The following CCDC59 variants were observed in gnomAD, a reference collection of about 807,000 sequenced individuals.
CCDC59 encodes thyroid transcription factor 1-associated protein 26.
CCDC59 carries 27 observed loss-of-function variants against 30.5 expected under a neutral mutation model. That is an observed-to-expected ratio of 0.89 (90% CI 0.65 to 1.22). The LOEUF is 1.22. CCDC59 is among the 50% of genes most tolerant of loss of function. CCDC59 has a pLI of 0.00. For synonymous variants in CCDC59, 125 were observed against 100.9 expected (o/e 1.24, Z -1.43); for missense variants, 362 against 284.4 (o/e 1.27, Z -1.96).
In CCDC59 at chr12:82,353,284, T is replaced by G; in HGVS notation, c.593A>C (p.Glu198Ala). The change falls in exon 4 of 4, where the codon GAA becomes GCA. Residue 198 changes from glutamate (E) to alanine (A), a missense_variant. Glu to Ala is a moderately radical substitution (Grantham distance 107). Coordinates refer to ENST00000256151, the MANE Select transcript of CCDC59 (RefSeq NM_014167.5). The part of the protein sequence containing the change: ...QEFERRKQER[E>A]EAQRQYKKKK... The stretch of plus-strand genomic sequence containing the variant: ...CTTTTTGTACTGCCTTTGGGCTTCT[T>G]CTCTCTCCTGTTTTCTCCTCTCGAA... The G allele has an allele frequency of 6.2e-7, 1 of 1,606,622 alleles. No homozygotes were observed. Among genetic ancestry groups the G allele is most frequent in the Non-Finnish European group, 8.5e-7 (1 of 1,177,922 alleles).
Position 82,357,333 on chromosome 12 carries a change from T to C in CCDC59, c.155-64A>G. 8 of 1,359,614 alleles carry C rather than the reference T, an allele frequency of 5.9e-6. No individual in the cohort carries two copies. In the East Asian group the frequency reaches 1.6e-4, roughly 27 times the overall value. 84.2% of individuals were successfully genotyped at this position (1,359,614 alleles called of 1,614,324 possible). The stretch of plus-strand genomic sequence containing the variant: ...AAAGAAGTTGAACGAAGAATGGAGC[T>C]GTTAATTACAAATGAAAACTTTTTT... On this transcript the variant is annotated intron_variant, in intron 1 of 3. Coordinates refer to ENST00000256151, the MANE Select transcript of CCDC59 (RefSeq NM_014167.5).
rs1347226078 is a variant in CCDC59, at chr12:82,352,568, T to C, written c.*583A>G. On this transcript the variant is annotated 3_prime_UTR_variant, in exon 4 of 4. Coordinates refer to ENST00000256151, the MANE Select transcript of CCDC59 (RefSeq NM_014167.5). ...TGACACTGTGGGGTTTCCATCATTA[T>C]TTAAAAGACCTTAGACTAACAAGCC... The C allele has an allele frequency of 6.6e-6, 1 of 152,204 alleles. No individual in the cohort carries two copies. Among genetic ancestry groups the C allele is most frequent in the Non-Finnish European group, 1.5e-5 (1 of 68,036 alleles). The allele number at this position is 152,204 out of a possible 1,614,324, so 9.4% of individuals were successfully genotyped here.
rs200062067 is a variant in CCDC59 at position 82,358,174 on chromosome 12, T to C, written c.154+49A>G. 4.4e-4 allele frequency: 703 copies of C among 1,609,790 alleles called. 2 individuals are homozygous for C. The highest frequency in any genetic ancestry group is 4.0e-4 in the Non-Finnish European group (470 of 1,176,654). The stretch of plus-strand genomic sequence containing the variant: ...CCAAGCTTCAGCGAATCTTATATCC[T>C]AAAACTTAGCAAGCCTGAGGATTTG... On this transcript the variant is annotated intron_variant, in intron 1 of 3. Coordinates refer to ENST00000256151, the MANE Select transcript of CCDC59 (RefSeq NM_014167.5).
At chr12:82,357,405 T>G in intron 1 of CCDC59, 136 bp from the exon 2 acceptor site, 1 of 734,616 alleles carries the variant, frequency 1.4e-6, no homozygotes, top group Admixed American at 2.9e-5. Flanking sequence ...CTTTAAAAAA[T>G]TATTTCAAGC....
Position 82,357,250 on chromosome 12 carries a change from T to G in CCDC59, c.174A>C (p.Arg58=). ...SVREGQGFAF[R]RKLKIQQSYK... Reference sequence around the variant, plus strand: ...AACTTTGCTGTATTTTCAGTTTTCTTCGAAAAGCAAAGCCTTGTCCTACAT... The same window carrying G: ...AACTTTGCTGTATTTTCAGTTTTCTGCGAAAAGCAAAGCCTTGTCCTACAT... The change falls in exon 2 of 4, where the codon CGA becomes CGC. Residue 58 remains arginine, a synonymous_variant. Coordinates refer to ENST00000256151, the MANE Select transcript of CCDC59 (RefSeq NM_014167.5). The G allele has an allele frequency of 6.2e-7, 1 of 1,611,162 alleles. No homozygotes were observed. Among genetic ancestry groups the G allele is most frequent in the Non-Finnish European group, 8.5e-7 (1 of 1,179,224 alleles).
chr12:82,357,618 A>G (rs1218630918), intron 1 of CCDC59, among the ~76,000 whole-genome samples: 2 of 152,240 alleles, frequency 1.3e-5, no homozygotes, highest in Non-Finnish European at 2.9e-5. Flanking sequence ...CCTTCAATAA[A>G]TGCTTAAAAA....
chr12:82,354,197 A>G (rs986967909), intron 3 of CCDC59, among the ~76,000 whole-genome samples: 30 of 152,150 alleles, frequency 2.0e-4, no homozygotes, highest in African/African-American at 6.8e-4. Context: ...GTGCTTGTTA[A>G]CAAGTGCAAG....
chr12:82,353,481 T>C (rs899114169), intron 3 of CCDC59, among the ~76,000 whole-genome samples, 169 bp from the exon 4 acceptor site: 1 of 152,180 alleles, frequency 6.6e-6, no homozygotes, highest in Non-Finnish European at 1.5e-5. Flanking sequence ...TTTGCCTTCA[T>C]ATTATAATGA....
rs1327198018 is a variant in CCDC59 at position 82,352,830 on chromosome 12, T to C, written c.*321A>G. On this transcript the variant is annotated 3_prime_UTR_variant, in exon 4 of 4. Transcript: ENST00000256151. ...ATATTTCATTGAAATGCTTCATTGATAGCTCTGATTCCTTATTTTTAAAAA... is the reference window on the plus strand; with the variant it reads ...ATATTTCATTGAAATGCTTCATTGACAGCTCTGATTCCTTATTTTTAAAAA... 1 of 173,394 alleles carries C rather than the reference T, an allele frequency of 5.8e-6. No homozygotes were observed. Among genetic ancestry groups the C allele is most frequent in the African/African-American group, 2.4e-5 (1 of 42,326 alleles). 10.7% of individuals were successfully genotyped at this position (173,394 alleles called of 1,614,324 possible).
At chr12:82,354,646 AG>A in intron 2 of CCDC59, 52 bp from the exon 3 acceptor site, 2 of 1,499,286 alleles carry the variant, frequency 1.3e-6, no homozygotes, top group Non-Finnish European at 1.8e-6. Context: ...ATGTCCAAAA[AG>A]GTATTAAAAA....
chr12:82,356,233 A>G (rs1398644553), intron 2 of CCDC59: 1 of 152,238 alleles, frequency 6.6e-6, no homozygotes, highest in Non-Finnish European at 1.5e-5. Flanking sequence ...GTATGCAGCG[A>G]TAGTTTTTTA....
chr12:82,358,189 C>T (rs747411443), intron 1 of CCDC59, 34 bp downstream of exon 1: 3 of 1,613,530 alleles, frequency 1.9e-6, no homozygotes, highest in South Asian at 2.2e-5. Flanking sequence ...CTTAGCAAGC[C>T]TGAGGATTTG....
chr12:82,358,791 A>G (rs755396180), upstream of CCDC59: 5 of 1,612,488 alleles, frequency 3.1e-6, no homozygotes, highest in African/African-American at 6.7e-5. Flanking sequence ...GCCCTCAGAG[A>G]CGCGCCCCCT....
intron 1 of CCDC59, 196 bp from the exon 2 acceptor site, chr12:82,357,465 G>C: frequency 1.7e-6 from 1 of 580,512 alleles, no homozygotes; most frequent in Non-Finnish European, 3.0e-6. Flanking sequence ...TTTGCAAAAA[G>C]ACCAGGCTAA....
upstream of CCDC59, chr12:82,358,539 C>T (rs1163599521): frequency 3.7e-6 from 6 of 1,603,334 alleles, no homozygotes; most frequent in Admixed American, 1.7e-5. Flanking sequence ...ATGTTTGCGC[C>T]ACCTACAGCC....
chr12:82,358,542 C>G (rs1881261909), upstream of CCDC59: 3 of 1,604,894 alleles, frequency 1.9e-6, no homozygotes, highest in Admixed American at 3.3e-5. Context: ...TTTGCGCCAC[C>G]TACAGCCTCG....
Position 82,353,314 on chromosome 12 carries a change from T to C in CCDC59, c.565-2A>G. ...CTCCTGTTTTCTCCTCTCGAATTCC[T>C]AAAATTATTAACATATGTAACTTTC... On this transcript the variant is annotated splice_acceptor_variant, in intron 3 of 3. Transcript: ENST00000256151. LOFTEE classifies it high-confidence loss of function. 6.3e-7 allele frequency: 1 copy of C among 1,591,178 alleles called. No homozygotes were observed. The highest frequency in any genetic ancestry group is 8.5e-7 in the Non-Finnish European group (1 of 1,172,036).
Sources: allele counts gnomAD v4.1 joint callset (sites outside exome capture counted in the v4.1 genomes callset), GRCh38; gene constraint gnomAD v4.1.1; transcripts MANE v1.5; gene names NCBI Gene and HGNC (gene_info 2026-07-23, HGNC 2026-07-21).